Variants in EYA2 observed in about 807,000 individuals in gnomAD.
The protein encoded by EYA2 is EYA transcriptional coactivator and phosphatase 2.
In EYA2, 31 loss-of-function variants were observed where a neutral mutation model predicts 69.2. The observed-to-expected ratio is 0.45, with a 90% CI of 0.34 to 0.60. EYA2 has a LOEUF of 0.60. Ranked by LOEUF, EYA2 falls within the 20% of genes least tolerant of loss-of-function variation. The pLI is 0.02. For missense variants in EYA2, 622 were observed against 701.2 expected (o/e 0.89, Z 1.28); for synonymous variants, 257 against 279.4 (o/e 0.92, Z 0.80).
intron 9 of EYA2, among the ~76,000 whole-genome samples, chr20:47,114,594 C>T (rs999678663): frequency 5.9e-5 from 9 of 152,058 alleles, no homozygotes; most frequent in African/African-American, 1.9e-4. Context: ...CAGCCTGGGC[C>T]ACAAGAGCAA....
intron 1 of EYA2, among the ~76,000 whole-genome samples, chr20:46,904,406 T>G (rs1984257269): frequency 6.6e-6 from 1 of 151,584 alleles, no homozygotes. Context: ...AAAATAATAT[T>G]CATTACACAA....
At chr20:46,980,681 G>A (rs921170099) in intron 1 of EYA2, among the ~76,000 whole-genome samples, 3 of 152,092 alleles carry the variant, frequency 2.0e-5, no homozygotes, top group South Asian at 2.1e-4. Context: ...TATAGTCACC[G>A]TACTGTTCTA....
rs12625779 is a variant in EYA2 at position 47,106,791 on chromosome 20, C to T, written c.888+9623C>T. Among the ~76,000 whole-genome samples, 1,337 of 152,174 alleles carry T rather than the reference C, an allele frequency of 8.8e-3. 97 individuals carry two copies. The East Asian group carries it at 0.19, about 22-fold the overall frequency. On this transcript the variant is annotated intron_variant, in intron 9 of 15. Transcript: ENST00000327619. ...TGGAAGTCAGGACAAGAAACCAGTG[C>T]CACTCGCTCAGCATCCCAAGGCCAA...
chr20:46,969,188 AT>A (rs1024346912), intron 1 of EYA2, among the ~76,000 whole-genome samples: 1 of 151,134 alleles, frequency 6.6e-6, no homozygotes, highest in South Asian at 2.1e-4. Flanking sequence ...ATTGCCAGGA[AT>A]TTTTTTTTGT....
At chr20:47,128,354 C>G (rs1339988985) in intron 9 of EYA2, among the ~76,000 whole-genome samples, 1 of 152,216 alleles carries the variant, frequency 6.6e-6, no homozygotes, top group Non-Finnish European at 1.5e-5. Context: ...CTCCAAAGAC[C>G]AGCATTGCAG....
intron 1 of EYA2, among the ~76,000 whole-genome samples, chr20:46,905,360 A>G (rs1220597790): frequency 1.3e-5 from 2 of 152,200 alleles, no homozygotes; most frequent in African/African-American, 4.8e-5. Flanking sequence ...CAAGGTCACA[A>G]ACAATCATGG....
chr20:47,074,893 C>A (rs1457550416), intron 7 of EYA2, among the ~76,000 whole-genome samples: 1 of 152,160 alleles, frequency 6.6e-6, no homozygotes, highest in Non-Finnish European at 1.5e-5. Flanking sequence ...GGGTGGATCA[C>A]CTGAGGTCAG....
chr20:47,141,867 G>A (rs575533198), intron 9 of EYA2, among the ~76,000 whole-genome samples: 6 of 152,182 alleles, frequency 3.9e-5, no homozygotes, highest in East Asian at 1.9e-4. Flanking sequence ...AGTAACATGC[G>A]TATGTGCTCC....
chr20:46,933,671 C>T lies in EYA2; in HGVS notation c.-11+38684C>T, dbSNP rs113073421. ...CCAAGTCTCACTAGAACGAGGGAGG[C>T]CGATGAGAAATGACCGTGCTACAGC... On this transcript the variant is annotated intron_variant, in intron 1 of 15. Coordinates refer to ENST00000327619, the MANE Select transcript of EYA2 (RefSeq NM_005244.5). 6.1e-3 allele frequency among the ~76,000 whole-genome samples: 929 copies of T among 152,312 alleles called. 15 individuals carry two copies. Among genetic ancestry groups the T allele is most frequent in the African/African-American group, 0.021 (867 of 41,564 alleles).
intron 9 of EYA2, among the ~76,000 whole-genome samples, chr20:47,118,540 C>T (rs2032965764): frequency 6.6e-6 from 1 of 152,112 alleles, no homozygotes; most frequent in African/African-American, 2.4e-5. Flanking sequence ...CCTTTGTTGG[C>T]TTAATCCCTT....
intron 5 of EYA2, among the ~76,000 whole-genome samples, chr20:47,028,396 C>T (rs1984215236): frequency 6.6e-6 from 1 of 152,344 alleles, no homozygotes; most frequent in South Asian, 2.1e-4. Context: ...TTGTTTGTTT[C>T]TCTTTTGAAG....
intron 14 of EYA2, among the ~76,000 whole-genome samples, chr20:47,182,045 C>A (rs932171693): frequency 6.6e-6 from 1 of 151,502 alleles, no homozygotes; most frequent in Admixed American, 6.6e-5. Context: ...GATGGAGTTT[C>A]TCTCTTGTTG....
chr20:47,127,613 AC>A (rs2033228734), intron 9 of EYA2, among the ~76,000 whole-genome samples: 1 of 152,218 alleles, frequency 6.6e-6, no homozygotes, highest in Non-Finnish European at 1.5e-5. Flanking sequence ...AACTAATTTC[AC>A]CCTCTGAGCC....
chr20:46,912,996 G>A (rs1051898963), intron 1 of EYA2, among the ~76,000 whole-genome samples: 2 of 152,240 alleles, frequency 1.3e-5, no homozygotes, highest in South Asian at 2.1e-4. Context: ...CACCGCGCCC[G>A]GCCTTAATTT....
At chr20:47,111,668 G>A (rs1470143265) in intron 9 of EYA2, among the ~76,000 whole-genome samples, 1 of 152,166 alleles carries the variant, frequency 6.6e-6, no homozygotes, top group African/African-American at 2.4e-5. Context: ...GCTTAGAAAC[G>A]AGCCCAGATC....
At chr20:46,947,487 A>G (rs566427596) in intron 1 of EYA2, among the ~76,000 whole-genome samples, 2 of 152,266 alleles carry the variant, frequency 1.3e-5, no homozygotes, top group African/African-American at 2.4e-5. Context: ...TTGCCTTACT[A>G]TATGTGATAA....
intron 2 of EYA2, chr20:46,997,499 C>T (rs2146339449): frequency 6.6e-6 from 1 of 152,354 alleles, no homozygotes; most frequent in East Asian, 1.9e-4. Flanking sequence ...ACTCTACCCT[C>T]CCTACTTGGC....
chr20:46,947,126 C>G (rs998161041), intron 1 of EYA2, among the ~76,000 whole-genome samples: 3 of 152,160 alleles, frequency 2.0e-5, no homozygotes, highest in African/African-American at 7.2e-5. Flanking sequence ...GCTTGCTGAC[C>G]TCTACTCTAA....
intron 7 of EYA2, among the ~76,000 whole-genome samples, chr20:47,082,638 G>T (rs1450537439): frequency 1.3e-5 from 2 of 152,164 alleles, no homozygotes; most frequent in African/African-American, 4.8e-5. Context: ...TTGTTAAAAT[G>T]CCAGCTCTTC....
Sources: allele counts gnomAD v4.1 joint callset (sites outside exome capture counted in the v4.1 genomes callset), GRCh38; gene constraint gnomAD v4.1.1; transcripts MANE v1.5; gene names NCBI Gene and HGNC (gene_info 2026-07-23, HGNC 2026-07-21).